Variants in USP25 observed in about 807,000 individuals in gnomAD.
USP25 encodes ubiquitin specific peptidase 25, also known as ubiquitin carboxyl-terminal hydrolase 25.
USP25 carries 85 observed loss-of-function variants against 158.5 expected under a neutral mutation model. That is an observed-to-expected ratio of 0.54 (90% CI 0.45 to 0.64). The LOEUF (loss-of-function observed/expected upper bound fraction) is 0.64, where lower values mean the gene tolerates loss of function less well. USP25 is among the 30% of genes least tolerant of loss of function. The probability of loss-of-function intolerance (pLI) is 0.00; values close to 1 mark genes in which losing one functional copy is unlikely to be tolerated. For missense variants in USP25, 1,242 were observed against 1,327.3 expected, an observed-to-expected ratio of 0.94 and a Z score of 1.00; for synonymous variants, 464 against 460.4, an observed-to-expected ratio of 1.01 and a Z score of -0.10.
At chr21:15,771,784 C>T (rs989937447) in intron 3 of USP25, among the ~76,000 whole-genome samples, 2 of 151,914 alleles carry the variant, frequency 1.3e-5, no homozygotes, top group Non-Finnish European at 2.9e-5. Flanking sequence ...TTCAGTTACT[C>T]CTGCCCTGCT....
intron 1 of USP25, among the ~76,000 whole-genome samples, chr21:15,730,652 C>T (rs1396264256): frequency 6.6e-6 from 1 of 152,240 alleles, no homozygotes; most frequent in African/African-American, 2.4e-5. Flanking sequence ...AATCCACTTC[C>T]TTCTGCCGAT....
At chr21:15,753,426 C>T (rs189990179) in intron 1 of USP25, among the ~76,000 whole-genome samples, 4 of 152,186 alleles carry the variant, frequency 2.6e-5, no homozygotes, top group Admixed American at 6.5e-5. Flanking sequence ...CCTATAGTCC[C>T]GGGGGACCCT....
intron 10 of USP25, among the ~76,000 whole-genome samples, chr21:15,823,140 A>G (rs1223955142): frequency 2.6e-5 from 4 of 152,076 alleles, no homozygotes; most frequent in Admixed American, 6.5e-5. Context: ...TATCACACAC[A>G]ATAGATTATG....
rs2031915534 is a variant in USP25, at chr21:15,740,342, T to A, written c.45+9904T>A. 2.0e-5 allele frequency among the ~76,000 whole-genome samples: 3 copies of A among 152,210 alleles called. No homozygotes were observed. The South Asian group carries it at 6.2e-4, about 32-fold the overall frequency. ...ATTGACTGCAGGGGTCCTTTAGGGA[T>A]TGAATTATCACAATACACCAAATTT... On this transcript the variant is annotated intron_variant, in intron 1 of 25. Coordinates refer to ENST00000400183, the MANE Select transcript of USP25 (RefSeq NM_001283041.3).
intron 3 of USP25, among the ~76,000 whole-genome samples, chr21:15,771,572 A>G (rs952041471): frequency 6.6e-6 from 1 of 152,158 alleles, no homozygotes; most frequent in African/African-American, 2.4e-5. Context: ...GAGGGTAGGA[A>G]TGGCAGTATT....
chr21:15,842,686 T>A (rs1792243148), intron 18 of USP25, 146 bp downstream of exon 18: 1 of 910,866 alleles, frequency 1.1e-6, no homozygotes, highest in Non-Finnish European at 1.6e-6. Flanking sequence ...CATGGGCAAG[T>A]CATCTCATGC....
At position 15,877,922 on chromosome 21, in the gene USP25, G is replaced by C; in HGVS notation, c.3136G>C (p.Glu1046Gln). ...ATTATTACTGGTGGATGAAATGGAA[G>C]AAAAGGATATACTAGCTGTAGAAGA... ...LPLLLVDEMEEKDILAVEDMR... is the reference protein window; with the variant it reads ...LPLLLVDEMEQKDILAVEDMR... The change falls in exon 25 of 26, where the codon GAA becomes CAA. Residue 1046 changes from glutamate to glutamine, a missense_variant. Physicochemically the swap from Glu to Gln is conservative, Grantham distance 29. Coordinates refer to ENST00000400183, the MANE Select transcript of USP25 (RefSeq NM_001283041.3). The C allele has an allele frequency of 1.9e-6, 3 of 1,613,730 alleles. No homozygotes were observed. In the South Asian group the frequency reaches 3.3e-5, roughly 18 times the overall value.
chr21:15,860,971 T>TAGAGAGAGAG (rs371751056), intron 20 of USP25, among the ~76,000 whole-genome samples: 8 of 143,566 alleles, frequency 5.6e-5, no homozygotes, highest in African/African-American at 1.8e-4. Flanking sequence ...TATATATATA[T>TAGAGAGAGAG]ATATAGAGAG....
At chr21:15,795,336 T>C (rs1037024458) in intron 5 of USP25, among the ~76,000 whole-genome samples, 2 of 151,684 alleles carry the variant, frequency 1.3e-5, no homozygotes, top group African/African-American at 4.8e-5. Flanking sequence ...CCTGGAGTTG[T>C]CAATTGCTAC....
intron 10 of USP25, among the ~76,000 whole-genome samples, chr21:15,821,320 T>A (rs1417582906): frequency 6.6e-6 from 1 of 151,986 alleles, no homozygotes; most frequent in Admixed American, 6.6e-5. Context: ...TCTGTATTTA[T>A]AAAATTAAAT....
At chr21:15,754,216 G>A (rs2033226745) in intron 1 of USP25, among the ~76,000 whole-genome samples, 1 of 152,156 alleles carries the variant, frequency 6.6e-6, no homozygotes. Flanking sequence ...TGGAGGTGGT[G>A]TGTCCTGAGC....
At chr21:15,862,295 C>G (rs1025761851) in intron 20 of USP25, among the ~76,000 whole-genome samples, 1 of 151,894 alleles carries the variant, frequency 6.6e-6, no homozygotes, top group Non-Finnish European at 1.5e-5. Context: ...ACATGATACT[C>G]AAAGGAAATG....
intron 20 of USP25, among the ~76,000 whole-genome samples, chr21:15,858,940 T>G (rs1304151686): frequency 6.6e-6 from 1 of 151,778 alleles, no homozygotes; most frequent in Non-Finnish European, 1.5e-5. Context: ...TTAATAATTG[T>G]AAAGGTGTTA....
At chr21:15,859,048 G>T (rs938824072) in intron 20 of USP25, among the ~76,000 whole-genome samples, 6 of 151,104 alleles carry the variant, frequency 4.0e-5, no homozygotes, top group Admixed American at 3.3e-4. Flanking sequence ...GTGGGTGTGG[G>T]TGTTGGCATC....
chr21:15,811,466 A>G (rs533179547), intron 9 of USP25, among the ~76,000 whole-genome samples: 63 of 152,296 alleles, frequency 4.1e-4, no homozygotes, highest in African/African-American at 1.2e-3. Context: ...GAGGGCTTCC[A>G]TGATACAATT....
At chr21:15,794,507 G>A (rs1032902416) in intron 5 of USP25, among the ~76,000 whole-genome samples, 2 of 151,466 alleles carry the variant, frequency 1.3e-5, no homozygotes, top group African/African-American at 2.4e-5. Flanking sequence ...ATTTGGAGGT[G>A]TATGTTCTTC....
At chr21:15,854,033 A>G (rs1277036696) in intron 20 of USP25, among the ~76,000 whole-genome samples, 1 of 152,154 alleles carries the variant, frequency 6.6e-6, no homozygotes, top group Non-Finnish European at 1.5e-5. Flanking sequence ...AATCTAACAT[A>G]TGGTTGCTGC....
At position 15,874,450 on chromosome 21, in the gene USP25, A is replaced by G. The variant is rs778733396; in HGVS notation, c.2933A>G (p.Lys978Arg). 18 of 1,611,444 alleles carry G rather than the reference A, an allele frequency of 1.1e-5. No individual in the cohort carries two copies. The East Asian group carries it at 2.9e-4, about 26-fold the overall frequency. The change falls in exon 24 of 26, where the codon AAA becomes AGA. Residue 978 changes from lysine to arginine, a missense_variant. Coordinates refer to ENST00000400183, the MANE Select transcript of USP25 (RefSeq NM_001283041.3). Reference sequence around the variant, plus strand: ...CTCATCTGTGCTTATCAGAATAACAAAGAACTCTTGTCTAAAGGCTTATAC... The same window carrying G: ...CTCATCTGTGCTTATCAGAATAACAGAGAACTCTTGTCTAAAGGCTTATAC... ...LFLICAYQNNKELLSKGLYRG... is the reference protein window; with the variant it reads ...LFLICAYQNNRELLSKGLYRG...
intron 22 of USP25, 65 bp downstream of exon 22, chr21:15,866,409 T>G: frequency 7.9e-7 from 1 of 1,267,724 alleles, no homozygotes. Flanking sequence ...GATATTCCTT[T>G]CGTTTCAGCC....
Sources: allele counts gnomAD v4.1 joint callset (sites outside exome capture counted in the v4.1 genomes callset), GRCh38; gene constraint gnomAD v4.1.1; transcripts MANE v1.5; gene names NCBI Gene and HGNC (gene_info 2026-07-23, HGNC 2026-07-21).